The following SLC12A8 variants were observed in gnomAD, a reference collection of about 807,000 sequenced individuals.
SLC12A8 encodes the protein cation-chloride cotransporter 9.
In SLC12A8, 69 loss-of-function variants were observed where a neutral mutation model predicts 75.6. The observed-to-expected ratio is 0.91, with a 90% CI of 0.75 to 1.11. The LOEUF is 1.11. Among genes scored for constraint, SLC12A8 ranks in the 50% most tolerant of loss-of-function variants. The pLI is 0.00. For synonymous variants in SLC12A8, 365 were observed against 372.8 expected, an observed-to-expected ratio of 0.98 and a Z score of 0.24; for missense variants, 877 against 896.7, an observed-to-expected ratio of 0.98 and a Z score of 0.28.
At chr3:125,203,658 G>T (rs1339301140) in intron 2 of SLC12A8, among the ~76,000 whole-genome samples, 1 of 152,220 alleles carries the variant, frequency 6.6e-6, no homozygotes, top group Admixed American at 6.5e-5. Flanking sequence ...TAGGGGGCAT[G>T]CTTTGGGACA....
intron 6 of SLC12A8, among the ~76,000 whole-genome samples, chr3:125,128,684 A>T (rs1206610331): frequency 6.6e-6 from 1 of 152,090 alleles, no homozygotes; most frequent in Admixed American, 6.5e-5. Context: ...CCATAAGTCC[A>T]TCAGAATGAA....
intron 7 of SLC12A8, among the ~76,000 whole-genome samples, 198 bp downstream of exon 7, chr3:125,120,401 C>T (rs1242359068): frequency 6.6e-6 from 1 of 152,100 alleles, no homozygotes; most frequent in Non-Finnish European, 1.5e-5. Context: ...CATTCCCAGG[C>T]AGGGCGCATG....
At chr3:125,198,267 A>AC (rs1407057315) in intron 2 of SLC12A8, among the ~76,000 whole-genome samples, 1 of 148,636 alleles carries the variant, frequency 6.7e-6, no homozygotes, top group Non-Finnish European at 1.5e-5. Flanking sequence ...AAAAAAAAAA[A>AC]AACAAAACAG....
chr3:125,105,277 T>G (rs1938996004), intron 10 of SLC12A8, among the ~76,000 whole-genome samples: 1 of 152,168 alleles, frequency 6.6e-6, no homozygotes, highest in Non-Finnish European at 1.5e-5. Context: ...AGCATGACTT[T>G]GGTAAGAAAT....
intron 2 of SLC12A8, 34 bp from the exon 3 acceptor site, chr3:125,190,555 G>T (rs1045367277): frequency 6.2e-7 from 1 of 1,609,754 alleles, no homozygotes. Context: ...CAGCTGAGGG[G>T]CCATTGGGAG....
intron 10 of SLC12A8, among the ~76,000 whole-genome samples, chr3:125,093,566 GA>G: frequency 6.6e-6 from 1 of 152,070 alleles, no homozygotes; most frequent in East Asian, 1.9e-4. Context: ...CTTCCTCAGG[GA>G]AATCAGCCCC....
intron 2 of SLC12A8, among the ~76,000 whole-genome samples, chr3:125,199,014 G>A (rs475155): frequency 0.28 from 42,762 of 151,804 alleles, 6,682 homozygotes; most frequent in East Asian, 0.59. Context: ...TCCTGACCTC[G>A]TGATCCACCC....
chr3:125,097,132 C>T (rs1938732533), intron 10 of SLC12A8, among the ~76,000 whole-genome samples: 1 of 152,090 alleles, frequency 6.6e-6, no homozygotes. Flanking sequence ...CACCTGTAAT[C>T]CCAGCACTTT....
At chr3:125,100,067 T>G (rs1296906845) in intron 10 of SLC12A8, among the ~76,000 whole-genome samples, 1 of 152,022 alleles carries the variant, frequency 6.6e-6, no homozygotes, top group Admixed American at 6.6e-5. Flanking sequence ...AAAGAATCAG[T>G]GAACTTCAAG....
At chr3:125,178,021 G>T in intron 4 of SLC12A8, 47 bp from the exon 5 acceptor site, 1 of 1,496,998 alleles carries the variant, frequency 6.7e-7, no homozygotes, top group South Asian at 1.2e-5. Context: ...AGAAAGCCAT[G>T]GGCCCATGGG....
chr3:125,091,059 A>G (rs1402571119), intron 12 of SLC12A8, among the ~76,000 whole-genome samples: 1 of 152,072 alleles, frequency 6.6e-6, no homozygotes. Flanking sequence ...CTTAACTATA[A>G]CTGTTGTGTT....
intron 5 of SLC12A8, among the ~76,000 whole-genome samples, chr3:125,145,692 C>A (rs1188423637): frequency 6.6e-6 from 1 of 152,176 alleles, no homozygotes; most frequent in Non-Finnish European, 1.5e-5. Flanking sequence ...ATATACATAC[C>A]TGTGATCAAG....
intron 5 of SLC12A8, among the ~76,000 whole-genome samples, chr3:125,146,789 G>A (rs1168546990): frequency 6.6e-6 from 1 of 152,226 alleles, no homozygotes; most frequent in Non-Finnish European, 1.5e-5. Context: ...ACAGGCTGAC[G>A]CCACCATGCC....
At chr3:125,107,454 G>T (rs1203234614) in intron 10 of SLC12A8, 27 bp downstream of exon 10, 6 of 1,576,628 alleles carry the variant, frequency 3.8e-6, no homozygotes, top group African/African-American at 1.4e-5. Flanking sequence ...CAAATAAGAG[G>T]CCCCAGTGTG....
At chr3:125,166,616 G>A (rs1367655633) in intron 5 of SLC12A8, among the ~76,000 whole-genome samples, 2 of 152,144 alleles carry the variant, frequency 1.3e-5, no homozygotes, top group African/African-American at 2.4e-5. Context: ...TACGGGGAGC[G>A]CCAGGAGACC....
At chr3:125,195,607 T>TTC (rs1553796499) in intron 2 of SLC12A8, among the ~76,000 whole-genome samples, 1 of 151,582 alleles carries the variant, frequency 6.6e-6, no homozygotes, top group Non-Finnish European at 1.5e-5. Flanking sequence ...TTTTTTTTTT[T>TTC]CTCCATATCT....
intron 10 of SLC12A8, among the ~76,000 whole-genome samples, chr3:125,099,859 T>C (rs1473122959): frequency 1.3e-5 from 2 of 149,262 alleles, no homozygotes; most frequent in African/African-American, 5.0e-5. Flanking sequence ...ACCCAGGAGG[T>C]GGAGGTTGCA....
At chr3:125,122,235 C>A (rs1933080812) in intron 6 of SLC12A8, among the ~76,000 whole-genome samples, 1 of 152,086 alleles carries the variant, frequency 6.6e-6, no homozygotes, top group African/African-American at 2.4e-5. Context: ...AAAACATTAA[C>A]AATGTTATTT....
At chr3:125,188,858 G>A (rs1200129278) in intron 3 of SLC12A8, among the ~76,000 whole-genome samples, 1 of 152,220 alleles carries the variant, frequency 6.6e-6, no homozygotes, top group Middle Eastern at 3.2e-3. Flanking sequence ...GCCGAAACCT[G>A]AGCTGAGGAT....
Sources: allele counts gnomAD v4.1 joint callset (sites outside exome capture counted in the v4.1 genomes callset), GRCh38; gene constraint gnomAD v4.1.1; transcripts MANE v1.5; gene names NCBI Gene and HGNC (gene_info 2026-07-23, HGNC 2026-07-21).